The following CCDC7 variants were observed in gnomAD, a reference collection of about 807,000 sequenced individuals.
CCDC7 encodes coiled-coil domain-containing protein 7.
In CCDC7, 183 loss-of-function variants were observed where a neutral mutation model predicts 196.9. That is an observed-to-expected ratio of 0.93 (90% CI 0.82 to 1.05). CCDC7 has a LOEUF of 1.05. Among genes scored for constraint, CCDC7 ranks in the 50% least tolerant of loss-of-function variants. The pLI, the probability that CCDC7 is intolerant of heterozygous loss-of-function variation, is 0.00. For synonymous variants in CCDC7, 525 were observed against 484.6 expected, an observed-to-expected ratio of 1.08 and a Z score of -1.10; for missense variants, 1,540 against 1,482.2, an observed-to-expected ratio of 1.04 and a Z score of -0.64.
chr10:32,742,408 C>G (rs2086010172), intron 28 of CCDC7, among the ~76,000 whole-genome samples: 1 of 152,160 alleles, frequency 6.6e-6, no homozygotes, highest in Non-Finnish European at 1.5e-5. Flanking sequence ...TGGGTTTTGA[C>G]AAATGTGTGA....
intron 28 of CCDC7, among the ~76,000 whole-genome samples, chr10:32,776,144 T>G: frequency 2.8e-5 from 4 of 144,902 alleles, no homozygotes; most frequent in Admixed American, 7.0e-5. Flanking sequence ...GGTGGGGGAA[T>G]GGGGGAGGGA....
chr10:32,753,528 A>C (rs1592361989), intron 28 of CCDC7, among the ~76,000 whole-genome samples: 2 of 152,282 alleles, frequency 1.3e-5, no homozygotes, highest in African/African-American at 4.8e-5. Context: ...CTAAAGTCAC[A>C]TCATTACAGA....
intron 18 of CCDC7, among the ~76,000 whole-genome samples, chr10:32,622,904 C>T (rs1245093097): frequency 1.3e-5 from 2 of 151,976 alleles, no homozygotes; most frequent in African/African-American, 4.8e-5. Context: ...TGTTTTTATG[C>T]CTGAGCATTG....
At chr10:32,734,795 G>A (rs555957896) in intron 28 of CCDC7, among the ~76,000 whole-genome samples, 78 of 152,174 alleles carry the variant, frequency 5.1e-4, no homozygotes, top group African/African-American at 1.8e-3. Context: ...TACTTGGGAG[G>A]GTGAGGCAGG....
At chr10:32,674,750 A>G (rs937861671) in intron 21 of CCDC7, among the ~76,000 whole-genome samples, 1 of 152,016 alleles carries the variant, frequency 6.6e-6, no homozygotes, top group Non-Finnish European at 1.5e-5. Context: ...GGACACAGGT[A>G]TATTTATCAT....
chr10:32,828,561 A>AAT (rs1565636149), intron 32 of CCDC7, among the ~76,000 whole-genome samples: 5 of 142,660 alleles, frequency 3.5e-5, no homozygotes, highest in African/African-American at 1.0e-4. Flanking sequence ...AGAAGAAGAA[A>AAT]GAAGAAGAAG....
intron 8 of CCDC7, 83 bp from the exon 10 acceptor site, chr10:32,491,839 A>G: frequency 7.6e-7 from 1 of 1,316,620 alleles, no homozygotes. Context: ...TAGCTTTCAC[A>G]TCTATAGCAG....
chr10:32,455,750 C>T (rs1324251123), intron 2 of CCDC7, among the ~76,000 whole-genome samples: 1 of 152,178 alleles, frequency 6.6e-6, no homozygotes, highest in Non-Finnish European at 1.5e-5. Flanking sequence ...CACTGCTTTA[C>T]TAGAAGGGAT....
chr10:32,800,786 G>A (rs564132486), intron 29 of CCDC7, among the ~76,000 whole-genome samples: 1 of 152,286 alleles, frequency 6.6e-6, no homozygotes, highest in South Asian at 2.1e-4. Flanking sequence ...TTCAAGTCTG[G>A]AAATTGGTTG....
At chr10:32,677,323 A>T (rs913153155) in intron 21 of CCDC7, among the ~76,000 whole-genome samples, 12 of 151,860 alleles carry the variant, frequency 7.9e-5, no homozygotes, top group African/African-American at 2.7e-4. Context: ...TATGTAACTA[A>T]CCTGCACATT....
chr10:32,462,371 G>A (rs1233814182), intron 3 of CCDC7, among the ~76,000 whole-genome samples: 2 of 152,306 alleles, frequency 1.3e-5, no homozygotes, highest in East Asian at 3.9e-4. Context: ...GTTATAGTGA[G>A]CTATGAGTGC....
At chr10:32,515,645 G>A (rs1413773851) in intron 9 of CCDC7, among the ~76,000 whole-genome samples, 5 of 151,924 alleles carry the variant, frequency 3.3e-5, no homozygotes, top group African/African-American at 1.2e-4. Flanking sequence ...CCGGGTTCAC[G>A]CCATTCTTCT....
chr10:32,590,007 T>C lies in CCDC7; in HGVS notation c.1801+5703T>C, dbSNP rs2059639596. Among the ~76,000 whole-genome samples, 7 of 152,164 alleles carry C rather than the reference T, an allele frequency of 4.6e-5. No homozygotes were observed. The South Asian group carries it at 1.4e-3, about 31-fold the overall frequency. On this transcript the variant is annotated intron_variant, in intron 18 of 41. Coordinates refer to ENST00000639629, the Ensembl canonical transcript of CCDC7. ...CATTGGATATTGATTTTTTCAAATCTATTCAGCTACTCTGTATCTTTTGAT... is the reference window on the plus strand; with the variant it reads ...CATTGGATATTGATTTTTTCAAATCCATTCAGCTACTCTGTATCTTTTGAT...
intron 21 of CCDC7, among the ~76,000 whole-genome samples, chr10:32,678,732 A>G (rs1438021532): frequency 6.6e-6 from 1 of 152,192 alleles, no homozygotes; most frequent in African/African-American, 2.4e-5. Flanking sequence ...TGAAAAGCCC[A>G]GGAGATCTCT....
intron 29 of CCDC7, among the ~76,000 whole-genome samples, chr10:32,782,790 A>G (rs1033192294): frequency 3.3e-5 from 5 of 152,240 alleles, no homozygotes; most frequent in Non-Finnish European, 5.9e-5. Context: ...ATATACTGGC[A>G]TAAAGCAGAC....
At chr10:32,749,391 T>C (rs2075326761) in intron 28 of CCDC7, among the ~76,000 whole-genome samples, 1 of 152,206 alleles carries the variant, frequency 6.6e-6, no homozygotes, top group Admixed American at 6.5e-5. Flanking sequence ...TTTGTGTCAG[T>C]CATTTATCTT....
intron 18 of CCDC7, among the ~76,000 whole-genome samples, chr10:32,589,290 T>C (rs1335441779): frequency 1.3e-5 from 2 of 152,130 alleles, no homozygotes; most frequent in Admixed American, 1.3e-4. Context: ...TAACATAATG[T>C]CCTCCAGTTC....
intron 14 of CCDC7, among the ~76,000 whole-genome samples, chr10:32,566,955 AG>A (rs905999904): frequency 9.1e-5 from 13 of 142,086 alleles, no homozygotes; most frequent in African/African-American, 3.4e-4. Flanking sequence ...ATATATATGC[AG>A]GGTTTTTTAT....
At chr10:32,521,546 C>A (rs1019567352) in intron 11 of CCDC7, among the ~76,000 whole-genome samples, 37 of 149,874 alleles carry the variant, frequency 2.5e-4, no homozygotes, top group African/African-American at 9.0e-4. Flanking sequence ...TGATTTGTAT[C>A]CTGTAACTTT....
Sources: allele counts gnomAD v4.1 joint callset (sites outside exome capture counted in the v4.1 genomes callset), GRCh38; gene constraint gnomAD v4.1.1; transcripts MANE v1.5; gene names NCBI Gene and HGNC (gene_info 2026-07-23, HGNC 2026-07-21).